Variants in CEP57 observed in about 807,000 individuals in gnomAD.
The protein encoded by CEP57 is centrosomal protein of 57 kDa.
A neutral mutation model predicts 68.0 loss-of-function variants in CEP57; 40 were observed. The ratio of observed to expected loss-of-function variants is 0.59; its 90% CI spans 0.46 to 0.77. The LOEUF (loss-of-function observed/expected upper bound fraction) is 0.77. Ranked by LOEUF, CEP57 falls within the 30% of genes least tolerant of loss-of-function variation. The pLI is 0.00. For missense variants in CEP57, 606 were observed against 580.7 expected (o/e 1.04, Z -0.45); for synonymous variants, 219 against 198.7 (o/e 1.10, Z -0.86).
chr11:95,826,745 TGTACTC>T (rs1287238259), intron 8 of CEP57: 3 of 152,160 alleles, frequency 2.0e-5, no homozygotes, highest in African/African-American at 7.2e-5. Flanking sequence ...ATATTGAAAG[TGTACTC>T]ATAGGCAATT....
At chr11:95,792,580 C>T (rs777042531) in intron 1 of CEP57, among the ~76,000 whole-genome samples, 56 of 152,218 alleles carry the variant, frequency 3.7e-4, no homozygotes, top group Non-Finnish European at 6.9e-4. Flanking sequence ...AATACTTATA[C>T]GGTACCCTTG....
intron 1 of CEP57, among the ~76,000 whole-genome samples, chr11:95,791,336 CA>C (rs1419046139): frequency 2.0e-5 from 3 of 152,102 alleles, no homozygotes; most frequent in South Asian, 4.1e-4. Context: ...GGAGAGGCGA[CA>C]GGGGGAATTG....
At chr11:95,805,032 TAC>T (rs1459339004) in intron 2 of CEP57, among the ~76,000 whole-genome samples, 1 of 152,236 alleles carries the variant, frequency 6.6e-6, no homozygotes, top group Non-Finnish European at 1.5e-5. Context: ...CTTGTGATAC[TAC>T]AGTTGCTGAC....
chr11:95,821,817 T>C, intron 6 of CEP57, 54 bp from the exon 7 acceptor site: 1 of 1,254,518 alleles, frequency 8.0e-7, no homozygotes, highest in Admixed American at 1.7e-5. Context: ...ATCTGAAATC[T>C]GAGTCATAGC....
intron 4 of CEP57, among the ~76,000 whole-genome samples, chr11:95,815,704 C>T (rs936399836): frequency 6.6e-6 from 1 of 152,134 alleles, no homozygotes; most frequent in Non-Finnish European, 1.5e-5. Context: ...AATGCCAGCA[C>T]TTAGGAGGCC....
intron 1 of CEP57, among the ~76,000 whole-genome samples, chr11:95,797,923 G>A (rs935151107): frequency 6.6e-6 from 1 of 152,156 alleles, no homozygotes; most frequent in African/African-American, 2.4e-5. Context: ...AAAACTTGAG[G>A]TTCTCTGTGA....
intron 4 of CEP57, 22 bp from the exon 5 acceptor site, chr11:95,817,765 C>A: frequency 6.9e-7 from 1 of 1,448,998 alleles, no homozygotes; most frequent in Non-Finnish European, 9.7e-7. Flanking sequence ...ATTATCAAGC[C>A]GTATTGAATA....
intron 2 of CEP57, among the ~76,000 whole-genome samples, chr11:95,799,709 C>T (rs1861493051): frequency 6.6e-6 from 1 of 152,086 alleles, no homozygotes; most frequent in Non-Finnish European, 1.5e-5. Flanking sequence ...TTTGTGTTCT[C>T]ATTGCTTTGG....
intron 8 of CEP57, chr11:95,826,309 T>G (rs1862740780): frequency 6.6e-6 from 1 of 152,212 alleles, no homozygotes; most frequent in African/African-American, 2.4e-5. Flanking sequence ...CAAAAATGCT[T>G]CCAGTCAACA....
chr11:95,795,292 T>C (rs1490231939), intron 1 of CEP57, among the ~76,000 whole-genome samples: 2 of 152,196 alleles, frequency 1.3e-5, no homozygotes, highest in African/African-American at 2.4e-5. Flanking sequence ...TCTTGTATAT[T>C]GTTCAGTTTA....
intron 6 of CEP57, 127 bp from the exon 7 acceptor site, chr11:95,821,744 C>T (rs1408454039): frequency 1.5e-6 from 1 of 681,988 alleles, no homozygotes. Flanking sequence ...CATAGTTATA[C>T]AGCTGTAATA....
intron 1 of CEP57, 36 bp downstream of exon 1, chr11:95,790,779 G>T (rs955319327): frequency 6.2e-7 from 1 of 1,611,474 alleles, no homozygotes; most frequent in Admixed American, 1.7e-5. Context: ...CCCCACGTCG[G>T]CCCTAAGCGC....
intron 4 of CEP57, among the ~76,000 whole-genome samples, chr11:95,813,994 A>G (rs1168573636): frequency 2.6e-5 from 4 of 152,236 alleles, no homozygotes; most frequent in Non-Finnish European, 2.9e-5. Context: ...AGATCTTCGT[A>G]TTTAGGTGAC....
At chr11:95,798,784 C>G (rs1444931240) in intron 1 of CEP57, among the ~76,000 whole-genome samples, 1 of 152,164 alleles carries the variant, frequency 6.6e-6, no homozygotes. Context: ...GAGGCAAGGA[C>G]AGTGCCTTAT....
chr11:95,813,338 T>A, intron 3 of CEP57, 130 bp from the exon 4 acceptor site: 1 of 1,167,268 alleles, frequency 8.6e-7, no homozygotes, highest in Non-Finnish European at 1.2e-6. Flanking sequence ...ATTTAGGTAA[T>A]CTGAAAAGGC....
At chr11:95,819,238 T>C (rs1862426098) in intron 6 of CEP57, among the ~76,000 whole-genome samples, 2 of 152,220 alleles carry the variant, frequency 1.3e-5, no homozygotes, top group Admixed American at 1.3e-4. Flanking sequence ...AAAAGCTATC[T>C]TTCAGTATTG....
In CEP57 at chr11:95,812,487, G is replaced by A. The variant is rs145075833; in HGVS notation, c.203-445G>A. On this transcript the variant is annotated intron_variant, in intron 2 of 10. Transcript: ENST00000325542. ...CGCCCAGGCTGGAGTGCAATGGTGC[G>A]ATCTCAGCTCACTGCAACCTCCACC... 5.6e-4 allele frequency among the ~76,000 whole-genome samples: 85 copies of A among 151,860 alleles called. 2 individuals are homozygous for A. Among genetic ancestry groups the A allele is most frequent in the Middle Eastern group, 6.8e-3 (2 of 294 alleles).
intron 6 of CEP57, among the ~76,000 whole-genome samples, chr11:95,820,010 T>G (rs1862457013): frequency 6.6e-6 from 1 of 152,226 alleles, no homozygotes; most frequent in Non-Finnish European, 1.5e-5. Flanking sequence ...GTTGGCCACT[T>G]CACTGTGTTT....
At chr11:95,793,604 A>AT (rs1159350752) in intron 1 of CEP57, among the ~76,000 whole-genome samples, 2 of 152,170 alleles carry the variant, frequency 1.3e-5, no homozygotes, top group African/African-American at 4.8e-5. Flanking sequence ...TTTTAAGATT[A>AT]TAATGTATGG....
Sources: gnomAD v4.1 joint callset for allele counts (sites outside exome capture counted in the v4.1 genomes callset) on GRCh38, gnomAD v4.1.1 for gene constraint, MANE v1.5 for transcripts, NCBI Gene and HGNC (gene_info 2026-07-23, HGNC 2026-07-21) for gene names.